The following AK4 variants were observed in gnomAD, a reference collection of about 807,000 sequenced individuals.
AK4 encodes the protein adenylate kinase 4.
Under a neutral mutation model 24.6 loss-of-function variants are expected in AK4, and 13 were observed. The ratio of observed to expected loss-of-function variants is 0.53; its 90% confidence interval spans 0.34 to 0.84. The LOEUF (loss-of-function observed/expected upper bound fraction) is 0.84. AK4 is among the 40% of genes least tolerant of loss of function. The pLI, the probability that AK4 is intolerant of heterozygous loss-of-function variation, is 0.01. For missense variants in AK4, 192 were observed against 288.2 expected, an observed-to-expected ratio of 0.67 and a Z score of 2.42; for synonymous variants, 88 against 107.0, an observed-to-expected ratio of 0.82 and a Z score of 1.10.
chr1:65,231,066 A>T lies in AK4; in HGVS notation c.*4889A>T, dbSNP rs560385639. On this transcript the variant is annotated 3_prime_UTR_variant, in exon 5 of 5. Transcript: ENST00000327299. ...TAAAAAAAATAACCTAGTAATAAAG[A>T]CTTCTTTTAATGTGGAAATGTGGTC... 6.6e-6 allele frequency: 1 copy of T among 152,104 alleles called. No homozygotes were observed. Among genetic ancestry groups the T allele is most frequent in the Non-Finnish European group, 1.5e-5 (1 of 68,022 alleles). The allele number at this position is 152,104 out of a possible 1,614,324, so 9.4% of individuals were successfully genotyped here.
chr1:65,219,212 A>G (rs1049787297), intron 3 of AK4, among the ~76,000 whole-genome samples: 2 of 151,392 alleles, frequency 1.3e-5, no homozygotes, highest in African/African-American at 4.8e-5. Context: ...AATTATATTT[A>G]TTTTATTTAA....
chr1:65,159,403 A>G (rs1438593792), intron 1 of AK4, among the ~76,000 whole-genome samples: 1 of 152,192 alleles, frequency 6.6e-6, no homozygotes, highest in Non-Finnish European at 1.5e-5. Context: ...CACGCCTGTA[A>G]CCCAGCACTT....
intron 1 of AK4, among the ~76,000 whole-genome samples, chr1:65,172,062 A>AATATATATATATATATAT (rs1406842262): frequency 3.3e-5 from 1 of 29,912 alleles, no homozygotes; most frequent in Non-Finnish European, 9.3e-5. Context: ...CTCCATCTCA[A>AATATATATATATATATAT]GTATATATAT....
chr1:65,149,982 A>G (rs896117760), intron 1 of AK4, among the ~76,000 whole-genome samples: 1 of 152,150 alleles, frequency 6.6e-6, no homozygotes, highest in Non-Finnish European at 1.5e-5. Context: ...TCTTCATGGT[A>G]GGGGCATGGA....
At chr1:65,208,285 T>G (rs1407651935) in intron 2 of AK4, among the ~76,000 whole-genome samples, 2 of 152,182 alleles carry the variant, frequency 1.3e-5, no homozygotes, top group Non-Finnish European at 2.9e-5. Flanking sequence ...ATGGAGGTCT[T>G]TGATACATGT....
intron 1 of AK4, among the ~76,000 whole-genome samples, chr1:65,169,321 T>A (rs1439948664): frequency 6.6e-6 from 1 of 152,222 alleles, no homozygotes; most frequent in Non-Finnish European, 1.5e-5. Flanking sequence ...TGTTTCCACA[T>A]ATCTGGATTT....
chr1:65,219,699 G>T (rs554783321), intron 3 of AK4, among the ~76,000 whole-genome samples: 1 of 152,228 alleles, frequency 6.6e-6, no homozygotes, highest in Admixed American at 6.5e-5. Flanking sequence ...TTGCATTAGT[G>T]TAGTACATTT....
intron 2 of AK4, among the ~76,000 whole-genome samples, chr1:65,206,110 G>A (rs949568379): frequency 6.6e-6 from 1 of 152,092 alleles, no homozygotes; most frequent in African/African-American, 2.4e-5. Flanking sequence ...ATTATAATGT[G>A]ACATTATGTA....
chr1:65,158,299 T>C (rs1272486124), intron 1 of AK4, among the ~76,000 whole-genome samples: 2 of 152,220 alleles, frequency 1.3e-5, no homozygotes, highest in African/African-American at 4.8e-5. Context: ...AAAGGCATGT[T>C]GAATTACCTG....
intron 4 of AK4, 131 bp downstream of exon 4, chr1:65,225,001 C>A: frequency 1.6e-6 from 1 of 614,894 alleles, no homozygotes; most frequent in Admixed American, 3.1e-5. Flanking sequence ...CAAAACCTTC[C>A]CAGAAGTCAG....
At chr1:65,165,282 A>G (rs1445916846) in intron 1 of AK4, among the ~76,000 whole-genome samples, 5 of 152,226 alleles carry the variant, frequency 3.3e-5, no homozygotes, top group Non-Finnish European at 1.5e-5. Flanking sequence ...TTTGGGAAAG[A>G]TGGCATTAGA....
chr1:65,219,270 A>G (rs1342059129), intron 3 of AK4, among the ~76,000 whole-genome samples: 2 of 151,924 alleles, frequency 1.3e-5, no homozygotes, highest in Non-Finnish European at 2.9e-5. Context: ...GGAAAATAAT[A>G]CTCCCTTTTT....
At chr1:65,160,602 G>A (rs1650127506) in intron 1 of AK4, among the ~76,000 whole-genome samples, 1 of 151,328 alleles carries the variant, frequency 6.6e-6, no homozygotes, top group Non-Finnish European at 1.5e-5. Context: ...AATAAATTAA[G>A]TTTTTTTTTG....
upstream of AK4, chr1:65,147,973 C>T (rs537989843): frequency 1.5e-3 from 237 of 162,706 alleles, 1 homozygote; most frequent in African/African-American, 5.5e-3. Flanking sequence ...TTCCCCGGCT[C>T]GGCGGAGACT....
At chr1:65,183,742 C>T (rs969283902) in intron 1 of AK4, among the ~76,000 whole-genome samples, 1 of 150,120 alleles carries the variant, frequency 6.7e-6, no homozygotes, top group Non-Finnish European at 1.5e-5. Context: ...ATGTCATCTG[C>T]TTATTGGCTC....
At chr1:65,221,070 CAT>C (rs1375386779) in intron 3 of AK4, among the ~76,000 whole-genome samples, 2 of 152,050 alleles carry the variant, frequency 1.3e-5, no homozygotes, top group Non-Finnish European at 2.9e-5. Flanking sequence ...TAAAATTAGA[CAT>C]GTGTAAAGGT....
intron 2 of AK4, among the ~76,000 whole-genome samples, chr1:65,201,613 C>G (rs1383030189): frequency 6.6e-6 from 1 of 152,150 alleles, no homozygotes; most frequent in East Asian, 1.9e-4. Context: ...GCTTCCTGAC[C>G]TCATAGTCCA....
At chr1:65,165,644 A>T (rs1650305157) in intron 1 of AK4, among the ~76,000 whole-genome samples, 1 of 151,892 alleles carries the variant, frequency 6.6e-6, no homozygotes, top group Admixed American at 6.6e-5. Flanking sequence ...GTAATTCCAG[A>T]TTGAGTTCCT....
At chr1:65,218,693 C>G in intron 2 of AK4, 61 bp from the exon 3 acceptor site, 1 of 1,467,654 alleles carries the variant, frequency 6.8e-7, no homozygotes, top group Non-Finnish European at 9.1e-7. Flanking sequence ...GAAAATGTTT[C>G]AAGAACTAAT....
Sources: gnomAD v4.1 joint callset for allele counts (sites outside exome capture counted in the v4.1 genomes callset) on GRCh38, gnomAD v4.1.1 for gene constraint, MANE v1.5 for transcripts, NCBI Gene and HGNC (gene_info 2026-07-23, HGNC 2026-07-21) for gene names.